Variants in TCP11L1 observed in about 807,000 individuals in gnomAD.
TCP11L1 encodes T-complex protein 11-like protein 1.
In TCP11L1, 28 loss-of-function variants were observed where a neutral mutation model predicts 48.9. That is an observed-to-expected ratio of 0.57 (90% CI 0.42 to 0.78). TCP11L1 has a LOEUF of 0.78. TCP11L1 is among the 30% of genes least tolerant of loss of function. The pLI is 0.00. For missense variants in TCP11L1, 505 were observed against 613.4 expected (o/e 0.82, Z 1.87); for synonymous variants, 204 against 231.9 (o/e 0.88, Z 1.09).
intron 9 of TCP11L1, among the ~76,000 whole-genome samples, chr11:33,070,074 C>A (rs1854733677): frequency 6.6e-6 from 1 of 151,476 alleles, no homozygotes; most frequent in African/African-American, 2.4e-5. Flanking sequence ...ACCAGGAGTT[C>A]GAGACTATCT....
At chr11:33,051,204 G>C (rs1280698008) in intron 2 of TCP11L1, among the ~76,000 whole-genome samples, 1 of 152,194 alleles carries the variant, frequency 6.6e-6, no homozygotes, top group East Asian at 1.9e-4. Context: ...GTCTCGCTCT[G>C]TCGCCCAGGC....
At chr11:33,068,663 C>T in intron 8 of TCP11L1, 24 bp from the exon 9 acceptor site, 1 of 1,609,482 alleles carries the variant, frequency 6.2e-7, no homozygotes, top group South Asian at 1.1e-5. Context: ...ACTTATAGGC[C>T]CTTTCTCCCC....
chr11:33,046,968 A>C (rs1854014591), intron 2 of TCP11L1, among the ~76,000 whole-genome samples: 1 of 152,228 alleles, frequency 6.6e-6, no homozygotes, highest in Admixed American at 6.6e-5. Flanking sequence ...CATGCCTATA[A>C]GCACTTTGGG....
chr11:33,051,397 G>A (rs1410083165), intron 2 of TCP11L1, among the ~76,000 whole-genome samples: 2 of 151,806 alleles, frequency 1.3e-5, no homozygotes, highest in Non-Finnish European at 2.9e-5. Context: ...TTGTTCTCCC[G>A]ACCTTGTGGT....
intron 8 of TCP11L1, among the ~76,000 whole-genome samples, chr11:33,066,491 G>A (rs1232470397): frequency 6.6e-6 from 1 of 152,106 alleles, no homozygotes; most frequent in Non-Finnish European, 1.5e-5. Flanking sequence ...AGGGTGGGGA[G>A]CGCTGGTACC....
intron 9 of TCP11L1, among the ~76,000 whole-genome samples, chr11:33,071,187 C>T (rs12787725): frequency 0.37 from 56,048 of 151,070 alleles, 10,518 homozygotes; most frequent in East Asian, 0.46. Context: ...TGGTGGCATG[C>T]GCCTGTAATC....
intron 2 of TCP11L1, among the ~76,000 whole-genome samples, chr11:33,053,754 A>G (rs1395006701): frequency 6.6e-6 from 1 of 152,182 alleles, no homozygotes; most frequent in Non-Finnish European, 1.5e-5. Flanking sequence ...CCTGTACAAG[A>G]TAGTGGTTTT....
chr11:33,066,475 A>G (rs1854623460), intron 8 of TCP11L1, among the ~76,000 whole-genome samples: 2 of 152,236 alleles, frequency 1.3e-5, no homozygotes, highest in South Asian at 4.2e-4. Context: ...GGGGTAAGCC[A>G]TGAGCAGGGT....
chr11:33,059,169 A>C, intron 6 of TCP11L1, 74 bp downstream of exon 6: 4 of 1,562,534 alleles, frequency 2.6e-6, no homozygotes, highest in Non-Finnish European at 3.5e-6. Context: ...CTTGTTGCAT[A>C]ATATTATTTT....
chr11:33,043,760 A>G lies in TCP11L1; in HGVS notation c.-14A>G, dbSNP rs1211090594. ...TTTTTTCTTTCCTAGGAAAGTGAAT[A>G]AACTTAATTGAGAATGTCTGAAAAC... On this transcript the variant is annotated 5_prime_UTR_variant, in exon 2 of 10. The change creates a new upstream start codon in the 5' untranslated region. Coordinates refer to ENST00000334274, the MANE Select transcript of TCP11L1 (RefSeq NM_018393.4). 8 of 1,589,456 alleles carry G rather than the reference A, an allele frequency of 5.0e-6. No individual in the cohort carries two copies. In the South Asian group the frequency reaches 8.1e-5, roughly 16 times the overall value.
At position 33,050,859 on chromosome 11, in the gene TCP11L1, G is replaced by A. The variant is rs564934140; in HGVS notation, c.164-3734G>A. Among the ~76,000 whole-genome samples, 6 of 150,174 alleles carry A rather than the reference G, an allele frequency of 4.0e-5. No individual in the cohort carries two copies. The East Asian group carries it at 9.8e-4, about 24-fold the overall frequency. On this transcript the variant is annotated intron_variant, in intron 2 of 9. Transcript: ENST00000334274. ...GACAAGGTCTCTATCTGTCACCTAT[G>A]CTGGAGTGCTGTGGCGGGGTCATGG...
At chr11:33,057,296 T>G in intron 4 of TCP11L1, 61 bp downstream of exon 4, 6 of 1,607,162 alleles carry the variant, frequency 3.7e-6, no homozygotes, top group Non-Finnish European at 5.1e-6. Flanking sequence ...ATTCAACTTC[T>G]TGTGTCACCA....
chr11:33,054,821 A>G, intron 3 of TCP11L1, 96 bp downstream of exon 3: 1 of 1,371,504 alleles, frequency 7.3e-7, no homozygotes, highest in East Asian at 2.6e-5. Flanking sequence ...ATTCAAACGT[A>G]TTTTTCCTTT....
Position 33,065,899 on chromosome 11 carries a change from G to C in TCP11L1, c.1042G>C (p.Ala348Pro). 1 of 1,614,222 alleles carries C rather than the reference G, an allele frequency of 6.2e-7. No individual in the cohort carries two copies. Among genetic ancestry groups the C allele is most frequent in the Non-Finnish European group, 8.5e-7 (1 of 1,180,024 alleles). The change falls in exon 8 of 10, where the codon GCT becomes CCT. Residue 348 changes from alanine (A) to proline (P), a missense_variant. By Grantham distance (27) the Ala-to-Pro change is conservative (BLOSUM62 -1). Coordinates refer to ENST00000334274, the MANE Select transcript of TCP11L1 (RefSeq NM_018393.4). ...LQLEQLTILGAVLLVTFSMAA... is the reference protein window; with the variant it reads ...LQLEQLTILGPVLLVTFSMAA... Reference sequence around the variant, plus strand: ...GCTGGAACAACTGACCATCCTGGGGGCTGTGTTGCTGGTCACCTTCAGCAT... The same window carrying C: ...GCTGGAACAACTGACCATCCTGGGGCCTGTGTTGCTGGTCACCTTCAGCAT...
chr11:33,052,191 C>T (rs148646751), intron 2 of TCP11L1, among the ~76,000 whole-genome samples: 6 of 152,164 alleles, frequency 3.9e-5, no homozygotes, highest in East Asian at 1.9e-4. Flanking sequence ...CCCCGTGACA[C>T]GAGATTACCT....
intron 4 of TCP11L1, among the ~76,000 whole-genome samples, chr11:33,057,501 A>T (rs1370735314): frequency 6.6e-6 from 1 of 152,268 alleles, no homozygotes; most frequent in African/African-American, 2.4e-5. Context: ...GTGTGGACAC[A>T]TTCCATTTAT....
intron 2 of TCP11L1, among the ~76,000 whole-genome samples, chr11:33,046,610 A>G (rs1486527907): frequency 6.6e-6 from 1 of 152,218 alleles, no homozygotes; most frequent in African/African-American, 2.4e-5. Context: ...TCAATGCCCT[A>G]AGGTATTCCT....
At chr11:33,070,388 A>G (rs1019849120) in intron 9 of TCP11L1, among the ~76,000 whole-genome samples, 3 of 152,208 alleles carry the variant, frequency 2.0e-5, no homozygotes, top group Non-Finnish European at 4.4e-5. Context: ...GAACCAAACT[A>G]ACTTAAGAAT....
chr11:33,058,174 AC>A, intron 5 of TCP11L1, 35 bp downstream of exon 5: 1 of 1,545,048 alleles, frequency 6.5e-7, no homozygotes, highest in Non-Finnish European at 8.7e-7. Flanking sequence ...CCGTGCAACT[AC>A]AATTCAGAGG....
Sources: gnomAD v4.1 joint callset for allele counts (sites outside exome capture counted in the v4.1 genomes callset) on GRCh38, gnomAD v4.1.1 for gene constraint, MANE v1.5 for transcripts, NCBI Gene and HGNC (gene_info 2026-07-23, HGNC 2026-07-21) for gene names.